Variants in JCAD observed in about 807,000 individuals in gnomAD.
The protein encoded by JCAD is junctional cadherin 5-associated protein.
A neutral mutation model predicts 98.0 loss-of-function variants in JCAD; 40 were observed. The ratio of observed to expected loss-of-function variants is 0.41; its 90% CI spans 0.32 to 0.53. The LOEUF is 0.53. Ranked by LOEUF, JCAD falls within the 20% of genes least tolerant of loss-of-function variation. The pLI is 0.31. For missense variants in JCAD, 1,705 were observed against 1,738.1 expected (o/e 0.98, Z 0.34); for synonymous variants, 691 against 682.3 (o/e 1.01, Z -0.20).
intron 2 of JCAD, among the ~76,000 whole-genome samples, chr10:30,065,536 C>G (rs1456068654): frequency 6.6e-6 from 1 of 151,928 alleles, no homozygotes; most frequent in Non-Finnish European, 1.5e-5. Flanking sequence ...AACTCTCACT[C>G]TGTCATTGAG....
Position 30,027,684 on chromosome 10 carries a change from T to G in JCAD, c.2464A>C (p.Lys822Gln). The G allele has an allele frequency of 6.2e-7, 1 of 1,614,248 alleles. No homozygotes were observed. The highest frequency in any genetic ancestry group is 8.5e-7 in the Non-Finnish European group (1 of 1,180,052). ...SKQLFGQFLL[K>Q]PVSRRPWDLI... is the part of the protein sequence containing the mutation. ...TCCCAGGGACGACGGCTGACCGGTT[T>G]CAGGAGAAACTGCCCAAAGAGTTGT... is the stretch of plus-strand genomic sequence containing the variant. Residue 822 changes from lysine to glutamine, a missense_variant, in exon 3 of 4, where the codon AAA becomes CAA. Lys to Gln is a moderately conservative substitution (Grantham distance 53). Coordinates refer to ENST00000375377, the MANE Select transcript of JCAD (RefSeq NM_020848.4).
chr10:30,024,062 G>A (rs146189580), intron 3 of JCAD, among the ~76,000 whole-genome samples: 4 of 152,172 alleles, frequency 2.6e-5, no homozygotes, highest in Non-Finnish European at 4.4e-5. Flanking sequence ...CTACTTGGGA[G>A]GCTGAGGCAG....
rs978736797 is a variant in JCAD, at chr10:30,026,717, G to A, written c.3431C>T (p.Ala1144Val). 1.9e-6 allele frequency: 3 copies of A among 1,614,084 alleles called. No homozygotes were observed. Among genetic ancestry groups the A allele is most frequent in the Non-Finnish European group, 8.5e-7 (1 of 1,180,016 alleles). Reference sequence around the variant, plus strand: ...GCCGCACTTCCTCCTGCCATAAAAGGCATCAGTGGACACCCTGGGGACATC... The same window carrying A: ...GCCGCACTTCCTCCTGCCATAAAAGACATCAGTGGACACCCTGGGGACATC... Reference protein sequence around the residue: ...PADVPRVSTDAFYGRRKCGWT... With the variant: ...PADVPRVSTDVFYGRRKCGWT... Residue 1144 changes from alanine (A) to valine (V), a missense_variant, in exon 3 of 4, where the codon GCC (alanine) becomes GTC (valine). Ala to Val is a moderately conservative substitution (Grantham distance 64). Transcript: ENST00000375377.
intron 1 of JCAD, among the ~76,000 whole-genome samples, chr10:30,098,401 C>G (rs145595745): frequency 7.9e-4 from 121 of 152,268 alleles, no homozygotes; most frequent in African/African-American, 2.9e-3. Flanking sequence ...AATCCCCAAC[C>G]CATCCCCACC....
chr10:30,093,325 G>A (rs1404093816), intron 1 of JCAD, among the ~76,000 whole-genome samples: 1 of 152,164 alleles, frequency 6.6e-6, no homozygotes, highest in African/African-American at 2.4e-5. Context: ...AATCCCAATG[G>A]CATACTCATT....
At chr10:30,088,857 C>T (rs1838209335) in intron 1 of JCAD, among the ~76,000 whole-genome samples, 1 of 152,118 alleles carries the variant, frequency 6.6e-6, no homozygotes, top group Non-Finnish European at 1.5e-5. Context: ...TCTGTAATCC[C>T]AGCTACTTGG....
intron 2 of JCAD, among the ~76,000 whole-genome samples, chr10:30,069,246 T>C (rs561257541): frequency 1.1e-4 from 16 of 152,110 alleles, no homozygotes; most frequent in African/African-American, 3.6e-4. Context: ...ATCTTCACCA[T>C]AGGAGTGGGG....
chr10:30,044,755 G>A, intron 2 of JCAD: 1 of 967,978 alleles, frequency 1.0e-6, no homozygotes, highest in Non-Finnish European at 1.2e-6. Flanking sequence ...TGTTTCTGAT[G>A]GGGAAAAACA....
chr10:30,057,193 G>A (rs1255021790), intron 1 of JCAD, among the ~76,000 whole-genome samples: 1 of 152,074 alleles, frequency 6.6e-6, no homozygotes, highest in Non-Finnish European at 1.5e-5. Flanking sequence ...ATGGAGTTTC[G>A]CCAAGCTCAT....
chr10:30,058,457 A>C (rs754795777), intron 1 of JCAD, among the ~76,000 whole-genome samples: 2 of 152,154 alleles, frequency 1.3e-5, no homozygotes, highest in Non-Finnish European at 2.9e-5. Context: ...CGCGTGGATG[A>C]CCAAACACCA....
chr10:30,108,678 G>T (rs1025364385), intron 1 of JCAD, among the ~76,000 whole-genome samples: 1 of 152,112 alleles, frequency 6.6e-6, no homozygotes, highest in Non-Finnish European at 1.5e-5. Flanking sequence ...CCTCACTAGA[G>T]TTTTCACTAA....
In JCAD at chr10:30,014,557, T is replaced by C. The variant is rs1461204580; in HGVS notation, c.*3326A>G. On this transcript the variant is annotated 3_prime_UTR_variant, in exon 4 of 4. Transcript: ENST00000375377. ...AGCCAGAACACGCAAACGTGATCTC[T>C]GGGGGTCACAAGATGAAATGGTAGG... 1 of 152,230 alleles carries C rather than the reference T, an allele frequency of 6.6e-6. No homozygotes were observed. The allele number at this position is 152,230 out of a possible 1,614,324, so 9.4% of individuals were successfully genotyped here. A position where few individuals can be genotyped will look rare whatever the true frequency, so the allele number is the denominator to read the frequency against.
At chr10:30,101,291 C>T (rs578149671) in intron 1 of JCAD, among the ~76,000 whole-genome samples, 1 of 151,626 alleles carries the variant, frequency 6.6e-6, no homozygotes, top group South Asian at 2.1e-4. Context: ...TTCCTGTAAT[C>T]CCAGCTACTC....
rs1377652850 is a variant in JCAD, at chr10:30,047,531, C to G, written c.281+1G>C. ...AACGGTGGGTTCACAGTGAAACTTACCCCGCCTCCGAGGTTCTGGAAGCAG... is the reference window on the plus strand; with the variant it reads ...AACGGTGGGTTCACAGTGAAACTTAGCCCGCCTCCGAGGTTCTGGAAGCAG... On this transcript the variant is annotated splice_donor_variant, in intron 2 of 3. Coordinates refer to ENST00000375377, the MANE Select transcript of JCAD (RefSeq NM_020848.4). LOFTEE classifies it high-confidence loss of function. 2 of 1,609,896 alleles carry G rather than the reference C, an allele frequency of 1.2e-6. No individual in the cohort carries two copies. The highest frequency in any genetic ancestry group is 3.5e-4 in the Middle Eastern group (2 of 5,722).
In JCAD at chr10:30,027,753, G is replaced by T. The variant is rs909850570; in HGVS notation, c.2395C>A (p.Arg799=). Residue 799 remains arginine (R), a synonymous_variant, in exon 3 of 4, where the codon CGG becomes AGG. Transcript: ENST00000375377. ...HGLGAHPGPK[R]EVVKGEPTGP... is the part of the protein sequence containing the mutation. ...GTGGGCTCCCCCTTCACCACCTCCC[G>T]CTTAGGCCCAGGGTGGGCTCCAAGC... is the stretch of plus-strand genomic sequence containing the variant. 1.2e-6 allele frequency: 2 copies of T among 1,614,060 alleles called. No individual in the cohort carries two copies. Among genetic ancestry groups the T allele is most frequent in the African/African-American group, 2.7e-5 (2 of 74,936 alleles).
chr10:30,110,421 G>A (rs1372826821), intron 1 of JCAD, among the ~76,000 whole-genome samples: 1 of 151,786 alleles, frequency 6.6e-6, no homozygotes, highest in African/African-American at 2.4e-5. Flanking sequence ...ACCGGCTAAT[G>A]TATGGACCTG....
chr10:30,034,598 C>G (rs1193699261), intron 2 of JCAD, among the ~76,000 whole-genome samples: 1 of 152,160 alleles, frequency 6.6e-6, no homozygotes, highest in Non-Finnish European at 1.5e-5. Context: ...ACTGGCCCCT[C>G]TGCATAGCCC....
chr10:30,052,536 G>A (rs1460386867), intron 1 of JCAD, among the ~76,000 whole-genome samples: 3 of 152,220 alleles, frequency 2.0e-5, no homozygotes, highest in Non-Finnish European at 4.4e-5. Context: ...CACCCATGCA[G>A]AGGCCACCCA....
At chr10:30,018,030 G>C (rs947820019) in intron 3 of JCAD, 113 bp from the exon 4 acceptor site, 1 of 756,124 alleles carries the variant, frequency 1.3e-6, no homozygotes, top group Non-Finnish European at 2.1e-6. Context: ...GTGTATAAAG[G>C]TTAATTTTTA....
Sources: gnomAD v4.1 joint callset for allele counts (sites outside exome capture counted in the v4.1 genomes callset) on GRCh38, gnomAD v4.1.1 for gene constraint, MANE v1.5 for transcripts, NCBI Gene and HGNC (gene_info 2026-07-23, HGNC 2026-07-21) for gene names.